Variants in MRPS5 observed in about 807,000 individuals in gnomAD.
The protein encoded by MRPS5 is mitochondrial ribosomal protein S5, also known as small ribosomal subunit protein uS5m.
MRPS5 carries 27 observed loss-of-function variants against 51.9 expected under a neutral mutation model. That is an observed-to-expected ratio of 0.52 (90% CI 0.38 to 0.72). The LOEUF (loss-of-function observed/expected upper bound fraction) is 0.72. Among genes scored for constraint, MRPS5 ranks in the 30% least tolerant of loss-of-function variants. MRPS5 has a pLI of 0.00. For missense variants in MRPS5, 570 were observed against 545.7 expected (o/e 1.04, Z -0.44); for synonymous variants, 196 against 193.2 (o/e 1.01, Z -0.12).
rs756382676 is a variant in MRPS5 at position 95,104,711 on chromosome 2, A to G, written c.692T>C (p.Met231Thr). 3 of 1,613,940 alleles carry G rather than the reference A, an allele frequency of 1.9e-6. No homozygotes were observed. The highest frequency in any genetic ancestry group is 4.5e-5 in the East Asian group (2 of 44,894). The change falls in exon 7 of 12, where the codon ATG becomes ACG. Residue 231 changes from methionine to threonine, a missense_variant. Coordinates refer to ENST00000272418, the MANE Select transcript of MRPS5 (RefSeq NM_031902.5). ...RILEVRNVFT[M>T]TAKEGRKKSI... ...TTTCTTTCTTCCCTCTTTCGCAGTC[A>G]TAGTGAAAACGTTTCTTACCTAAAA...
rs866821889 is a variant in MRPS5 at position 95,100,849 on chromosome 2, CAT to C, written c.854_855del (p.Tyr285Ter). The part of the protein sequence containing the change: ...AVHHLHYIER[Y>X]EDHTIFHDIS... ...GATTATCACTCACTTGTATGGTCTT[CAT>C]ATCGTTCTATATAATGCAAATGGTG... is the stretch of plus-strand genomic sequence containing the variant. On this transcript the variant is annotated frameshift_variant, in exon 9 of 12. Coordinates refer to ENST00000272418, the MANE Select transcript of MRPS5 (RefSeq NM_031902.5). LOFTEE classifies it high-confidence loss of function. The C allele has an allele frequency of 1.1e-5, 18 of 1,601,662 alleles. No homozygotes were observed. Among genetic ancestry groups the C allele is most frequent in the Non-Finnish European group, 1.5e-5 (18 of 1,176,380 alleles).
chr2:95,105,225 T>A (rs1179155195), intron 6 of MRPS5, among the ~76,000 whole-genome samples: 1 of 152,226 alleles, frequency 6.6e-6, no homozygotes, highest in Non-Finnish European at 1.5e-5. Flanking sequence ...AAATACCTGC[T>A]TATTCTGTGT....
At chr2:95,096,198 C>G (rs1398514289) in intron 10 of MRPS5, among the ~76,000 whole-genome samples, 1 of 152,092 alleles carries the variant, frequency 6.6e-6, no homozygotes, top group Non-Finnish European at 1.5e-5. Context: ...AATTAATAGC[C>G]TACCAACCAA....
Position 95,121,805 on chromosome 2 carries a change from C to T in MRPS5, c.-14G>A, listed in dbSNP as rs1300586289. Reference sequence around the variant, plus strand: ...CGCGGTCGCCATGCTGGAGTCCGAGCCGCGCCTCGGCCTCCGCCCAGGGCA... The same window carrying T: ...CGCGGTCGCCATGCTGGAGTCCGAGTCGCGCCTCGGCCTCCGCCCAGGGCA... On this transcript the variant is annotated 5_prime_UTR_variant, in exon 1 of 12. Transcript: ENST00000272418. 2 of 1,536,446 alleles carry T rather than the reference C, an allele frequency of 1.3e-6. No individual in the cohort carries two copies. The highest frequency in any genetic ancestry group is 1.7e-6 in the Non-Finnish European group (2 of 1,149,588).
chr2:95,088,051 A>G, intron 11 of MRPS5, among the ~76,000 whole-genome samples: 1 of 148,032 alleles, frequency 6.8e-6, no homozygotes, highest in Admixed American at 6.8e-5. Flanking sequence ...GGGGAAGAGG[A>G]GGGGAACCTA....
At chr2:95,100,650 G>A in intron 9 of MRPS5, 114 bp from the exon 10 acceptor site, 1 of 935,328 alleles carries the variant, frequency 1.1e-6, no homozygotes, top group Non-Finnish European at 1.6e-6. Context: ...ATTGACCAAA[G>A]ATAAATGGTA....
chr2:95,108,132 G>T, intron 5 of MRPS5, 43 bp downstream of exon 5: 1 of 1,538,024 alleles, frequency 6.5e-7, no homozygotes, highest in Non-Finnish European at 9.0e-7. Flanking sequence ...TAAACTACAA[G>T]TACTCTCTGT....
chr2:95,104,276 A>C (rs924988120), intron 7 of MRPS5: 2 of 169,182 alleles, frequency 1.2e-5, no homozygotes, highest in Non-Finnish European at 2.5e-5. Context: ...ATTTCCCATA[A>C]TTCTTTAATG....
intron 3 of MRPS5, among the ~76,000 whole-genome samples, chr2:95,114,454 G>C (rs751197419): frequency 6.6e-6 from 1 of 151,914 alleles, no homozygotes; most frequent in East Asian, 2.0e-4. Context: ...TGTATTTTTA[G>C]TAGAGACAGG....
Position 95,100,570 on chromosome 2 carries a change from G to T in MRPS5, c.869-34C>A, listed in dbSNP as rs759265324. On this transcript the variant is annotated intron_variant, in intron 9 of 11. Coordinates refer to ENST00000272418, the MANE Select transcript of MRPS5 (RefSeq NM_031902.5). ...TAAAAACATAAACACAAGAGGATTA[G>T]GTGTGTGGCTTTAATAAGCCTTTGC... is the stretch of plus-strand genomic sequence containing the variant. The T allele has an allele frequency of 3.3e-6, 5 of 1,504,810 alleles. No individual in the cohort carries two copies. In the Admixed American group the frequency reaches 5.1e-5, roughly 15 times the overall value. The allele number at this position is 1,504,810 out of a possible 1,614,324, so 93.2% of individuals were successfully genotyped here. A position where few individuals can be genotyped will look rare whatever the true frequency, so the allele number is the denominator to read the frequency against.
At chr2:95,089,640 C>T (rs946449336) in intron 11 of MRPS5, among the ~76,000 whole-genome samples, 7 of 152,258 alleles carry the variant, frequency 4.6e-5, no homozygotes, top group Non-Finnish European at 7.4e-5. Context: ...GGCATCAGTC[C>T]GAACCACCTA....
Position 95,087,572 on chromosome 2 carries a change from G to C in MRPS5, c.1078C>G (p.Gln360Glu). Reference protein sequence around the residue: ...FRGLSRQETHQQLADKKGLHV... With the variant: ...FRGLSRQETHEQLADKKGLHV... ...AGGCCCTTCTTATCAGCCAGCTGTT[G>C]ATGGGTTTCCTAAGCAAGACCAAAT... Residue 360 changes from glutamine (Q) to glutamate (E), a missense_variant, in exon 12 of 12, where the codon CAA becomes GAA. Coordinates refer to ENST00000272418, the MANE Select transcript of MRPS5 (RefSeq NM_031902.5). 1 of 1,613,052 alleles carries C rather than the reference G, an allele frequency of 6.2e-7. No individual in the cohort carries two copies. The highest frequency in any genetic ancestry group is 8.5e-7 in the Non-Finnish European group (1 of 1,179,446).
intron 10 of MRPS5, among the ~76,000 whole-genome samples, chr2:95,099,365 A>G (rs1675729905): frequency 6.6e-6 from 1 of 152,132 alleles, no homozygotes; most frequent in South Asian, 2.1e-4. Flanking sequence ...AAATGTTCTC[A>G]TAGATGCATT....
intron 4 of MRPS5, among the ~76,000 whole-genome samples, chr2:95,109,247 C>T (rs1214186856): frequency 6.6e-6 from 1 of 151,966 alleles, no homozygotes; most frequent in South Asian, 2.1e-4. Context: ...AGTAGACATG[C>T]GATGCTGGAA....
At chr2:95,094,206 C>A (rs1675551458) in intron 10 of MRPS5, among the ~76,000 whole-genome samples, 1 of 152,004 alleles carries the variant, frequency 6.6e-6, no homozygotes, top group Non-Finnish European at 1.5e-5. Context: ...AAAAAACGAA[C>A]AAAACCTCCA....
intron 1 of MRPS5, among the ~76,000 whole-genome samples, chr2:95,118,283 A>G (rs1676347654): frequency 6.6e-6 from 1 of 151,988 alleles, no homozygotes; most frequent in African/African-American, 2.4e-5. Context: ...CCCAATTTCA[A>G]TCTCTCCCCC....
chr2:95,106,317 G>T, intron 6 of MRPS5, 106 bp downstream of exon 6: 1 of 894,628 alleles, frequency 1.1e-6, no homozygotes. Flanking sequence ...GTCAGAAATA[G>T]TCATGCATCC....
rs1394860964 is a variant in MRPS5 at position 95,086,306 on chromosome 2, G to A, written c.*1051C>T. Among the ~76,000 whole-genome samples the A allele has an allele frequency of 1.6e-4, 25 of 151,998 alleles. No homozygotes were observed. Among genetic ancestry groups the A allele is most frequent in the Admixed American group, 1.6e-3 (24 of 15,262 alleles). On this transcript the variant is annotated 3_prime_UTR_variant, in exon 12 of 12. Coordinates refer to ENST00000272418, the MANE Select transcript of MRPS5 (RefSeq NM_031902.5). ...TTGAAGCCATTTAAAGAAAAAAAAA[G>A]TCTCAGCAAATAGCCTCAGCAAATA...
intron 5 of MRPS5, 96 bp downstream of exon 5, chr2:95,108,070 TGGAAAAAGG>T: frequency 4.4e-6 from 4 of 914,814 alleles, no homozygotes; most frequent in Admixed American, 2.3e-5. Context: ...AAATCTTTTT[TGGAAAAAGG>T]TAGTATAAAC....
Sources: gnomAD v4.1 joint callset for allele counts (sites outside exome capture counted in the v4.1 genomes callset) on GRCh38, gnomAD v4.1.1 for gene constraint, MANE v1.5 for transcripts, NCBI Gene and HGNC (gene_info 2026-07-23, HGNC 2026-07-21) for gene names.